PLEKHM1: variants seen among roughly 807,000 people sequenced by gnomAD.
PLEKHM1 encodes pleckstrin homology and RUN domain containing M1.
In PLEKHM1, 28 loss-of-function variants were observed where a neutral mutation model predicts 94.3. The observed-to-expected ratio is 0.30, with a 90% CI of 0.22 to 0.41. The LOEUF (loss-of-function observed/expected upper bound fraction) is 0.41, where lower values mean the gene tolerates loss of function less well. Among genes scored for constraint, PLEKHM1 ranks in the 10% least tolerant of loss-of-function variants. PLEKHM1 has a pLI of 1.00. For missense variants in PLEKHM1, 907 were observed against 1,358.6 expected (o/e 0.67, Z 5.22); for synonymous variants, 424 against 581.2 (o/e 0.73, Z 3.89).
chr17:45,457,725 A>AAAAC (rs1187626258), intron 6 of PLEKHM1, among the ~76,000 whole-genome samples: 1 of 152,170 alleles, frequency 6.6e-6, no homozygotes, highest in Non-Finnish European at 1.5e-5. Flanking sequence ...ACTCCATCTC[A>AAAAC]AAACAAACAA....
chr17:45,480,651 G>C (rs2051923755), intron 2 of PLEKHM1, among the ~76,000 whole-genome samples: 1 of 152,172 alleles, frequency 6.6e-6, no homozygotes, highest in Non-Finnish European at 1.5e-5. Flanking sequence ...TGCATATTTT[G>C]TACATCTCAC....
intron 2 of PLEKHM1, among the ~76,000 whole-genome samples, chr17:45,478,888 A>G (rs2051846516): frequency 6.6e-6 from 1 of 152,202 alleles, no homozygotes; most frequent in Non-Finnish European, 1.5e-5. Flanking sequence ...CCTAGCTGCC[A>G]GTAACCAGAT....
At chr17:45,490,360 A>C (rs532068571) in intron 1 of PLEKHM1, among the ~76,000 whole-genome samples, 91 of 151,710 alleles carry the variant, frequency 6.0e-4, no homozygotes, top group African/African-American at 2.0e-3. Context: ...ACTGGGGTAA[A>C]GTGGGGTCAC....
At chr17:45,463,085 CAAAAAA>C (rs1290103977) in intron 5 of PLEKHM1, among the ~76,000 whole-genome samples, 1 of 95,634 alleles carries the variant, frequency 1.0e-5, no homozygotes, top group South Asian at 3.1e-4. Flanking sequence ...GAGTCTGTGT[CAAAAAA>C]AAAAAAAAAA....
Position 45,436,283 on chromosome 17 carries a change from C to A in PLEKHM1, c.*1575G>T, listed in dbSNP as rs1373795812. 1 of 454,176 alleles carries A rather than the reference C, an allele frequency of 2.2e-6. No homozygotes were observed. The highest frequency in any genetic ancestry group is 6.9e-5 in the East Asian group (1 of 14,396). 28.1% of individuals were successfully genotyped at this position (454,176 alleles called of 1,614,324 possible). On this transcript the variant is annotated 3_prime_UTR_variant, in exon 12 of 12. Transcript: ENST00000430334. ...GGTGGAGCGTTAATGTGGGCCATGG[C>A]GGTGCATAACCCAGCTCCTGGCTTA... is the stretch of plus-strand genomic sequence containing the variant.
In PLEKHM1 at chr17:45,453,918, T is replaced by C; in HGVS notation, c.1934A>G (p.Glu645Gly). 1.2e-6 allele frequency: 2 copies of C among 1,613,784 alleles called. No individual in the cohort carries two copies. Among genetic ancestry groups the C allele is most frequent in the Non-Finnish European group, 1.7e-6 (2 of 1,179,738 alleles). The change falls in exon 7 of 12, where the codon GAG (glutamate) becomes GGG (glycine). Residue 645 changes from glutamate (E) to glycine (G), a missense_variant. Glu to Gly is a moderately conservative substitution (Grantham distance 98). Around this residue, in one of 3 missense-constraint regions of PLEKHM1, gnomAD observed 477 missense variants for 601.5 expected, o/e 0.79. Transcript: ENST00000430334. This position sits in a 1 kb window ranked among gnomAD's most constrained non-coding sequence, Gnocchi z 4.1. ...WVNVQYPDQP[E>G]EPPEAPQGCL... ...GCCCTGGGGCGCCTCGGGGGGTTCC[T>C]CAGGCTGGTCTGGGTACTGCACGTT...
At chr17:45,463,317 CT>C (rs1266786324) in intron 5 of PLEKHM1, among the ~76,000 whole-genome samples, 3 of 152,164 alleles carry the variant, frequency 2.0e-5, no homozygotes, top group Non-Finnish European at 4.4e-5. Flanking sequence ...CTGTGTGCCC[CT>C]GGCCCCAGGC....
At chr17:45,474,171 C>T (rs1046234898) in intron 4 of PLEKHM1, among the ~76,000 whole-genome samples, 88 of 151,922 alleles carry the variant, frequency 5.8e-4, no homozygotes, top group African/African-American at 2.0e-3. Context: ...ATTCTCCTGC[C>T]TCAGCCGCCC....
Position 45,490,682 on chromosome 17 carries a change from C to T in PLEKHM1, c.-72G>A. 2.2e-6 allele frequency: 1 copy of T among 450,728 alleles called. No homozygotes were observed. Among genetic ancestry groups the T allele is most frequent in the South Asian group, 1.6e-5 (1 of 63,942 alleles). The allele number at this position is 450,728 out of a possible 1,614,324, so 27.9% of individuals were successfully genotyped here. A position where few individuals can be genotyped will look rare whatever the true frequency, so the allele number is the denominator to read the frequency against. ...GGAGCGAGGAGCGAGGCGAGGGGCG[C>T]TCCCGGCCGCGGCAGCCCCTCAGCC... On this transcript the variant is annotated 5_prime_UTR_variant, in exon 1 of 12. Coordinates refer to ENST00000430334, the MANE Select transcript of PLEKHM1 (RefSeq NM_014798.3).
intron 6 of PLEKHM1, chr17:45,456,419 T>A (rs2050948977): frequency 6.6e-6 from 1 of 152,176 alleles, no homozygotes; most frequent in South Asian, 2.1e-4. Flanking sequence ...TGCCCACAGC[T>A]CCCTGCTGCC....
chr17:45,438,399 G>A (rs559643472), intron 11 of PLEKHM1, among the ~76,000 whole-genome samples: 1 of 151,948 alleles, frequency 6.6e-6, no homozygotes. Flanking sequence ...GGGCGTGGCG[G>A]TGTGTGCCTG....
At chr17:45,476,176 ATAAAT>A (rs901259279) in intron 3 of PLEKHM1, 1 of 146,556 alleles carries the variant, frequency 6.8e-6, no homozygotes, top group African/African-American at 2.5e-5. Flanking sequence ...ATATATAAAT[ATAAAT>A]TATATATATT....
At chr17:45,470,449 T>C (rs1206971305) in intron 4 of PLEKHM1, among the ~76,000 whole-genome samples, 1 of 152,296 alleles carries the variant, frequency 6.6e-6, no homozygotes, top group East Asian at 1.9e-4. Context: ...GCCAACATAG[T>C]GAAACCCTGT....
chr17:45,475,925 A>G, intron 3 of PLEKHM1, 199 bp from the exon 4 acceptor site: 1 of 659,066 alleles, frequency 1.5e-6, no homozygotes, highest in Non-Finnish European at 2.7e-6. Flanking sequence ...AGGCAGGTGG[A>G]TCACTTGAGC....
intron 3 of PLEKHM1, 56 bp downstream of exon 3, chr17:45,477,844 G>C: frequency 1.2e-6 from 2 of 1,603,538 alleles, no homozygotes; most frequent in Non-Finnish European, 1.7e-6. Flanking sequence ...GAAAAGCCAA[G>C]TGTCCCATAG....
At chr17:45,481,468 GTACA>G (rs1405980591) in intron 2 of PLEKHM1, among the ~76,000 whole-genome samples, 1 of 149,982 alleles carries the variant, frequency 6.7e-6, no homozygotes, top group East Asian at 1.9e-4. Context: ...TATTTAAAAA[GTACA>G]TACATACTTC....
At chr17:45,475,904 T>C (rs2051715012) in intron 3 of PLEKHM1, 178 bp from the exon 4 acceptor site, 1 of 729,206 alleles carries the variant, frequency 1.4e-6, no homozygotes, top group African/African-American at 1.7e-5. Context: ...TCCCAGCACT[T>C]TGGGAGGCCA....
At chr17:45,467,816 T>C (rs1384234197) in intron 5 of PLEKHM1, among the ~76,000 whole-genome samples, 1 of 151,902 alleles carries the variant, frequency 6.6e-6, no homozygotes, top group African/African-American at 2.4e-5. Flanking sequence ...TAACAAGTAC[T>C]AAGGAGGAAA....
rs1478606636 is a variant in PLEKHM1 at position 45,436,260 on chromosome 17, TG to T, written c.*1597del. ...GGCTCTGACTAGGCTGGGCTTGTGGTGGAGCGTTAATGTGGGCCATGGCGGT... is the reference window on the plus strand; with the variant it reads ...GGCTCTGACTAGGCTGGGCTTGTGGTGAGCGTTAATGTGGGCCATGGCGGT... On this transcript the variant is annotated 3_prime_UTR_variant, in exon 12 of 12. Coordinates refer to ENST00000430334, the MANE Select transcript of PLEKHM1 (RefSeq NM_014798.3). 6 of 454,106 alleles carry T rather than the reference TG, an allele frequency of 1.3e-5. No individual in the cohort carries two copies. The highest frequency in any genetic ancestry group is 9.4e-5 in the Admixed American group (4 of 42,566). 28.1% of individuals were successfully genotyped at this position (454,106 alleles called of 1,614,324 possible).
Sources: gnomAD v4.1 joint callset for allele counts (sites outside exome capture counted in the v4.1 genomes callset) on GRCh38, gnomAD v4.1.1 for gene constraint, gnomAD v4.1.1 regional missense constraint, Gnocchi (gnomAD v3.1) non-coding constraint, MANE v1.5 for transcripts, NCBI Gene and HGNC (gene_info 2026-07-23, HGNC 2026-07-21) for gene names.